The following SOX6 variants were observed in gnomAD, a reference collection of about 807,000 sequenced individuals.
The protein encoded by SOX6 is transcription factor SOX-6.
Under a neutral mutation model 97.8 loss-of-function variants are expected in SOX6, and 11 were observed. The observed-to-expected ratio is 0.11, with a 90% CI of 0.07 to 0.19. The LOEUF (loss-of-function observed/expected upper bound fraction) is 0.19. SOX6 is among the 10% of genes least tolerant of loss of function. The probability of loss-of-function intolerance (pLI) is 1.00; values close to 1 mark genes in which losing one functional copy is unlikely to be tolerated. For missense variants in SOX6, 810 were observed against 1,039.5 expected, an observed-to-expected ratio of 0.78 and a Z score of 3.04; for synonymous variants, 360 against 371.4, an observed-to-expected ratio of 0.97 and a Z score of 0.35.
At chr11:16,625,130 A>C (rs1848605351) in intron 3 of SOX6, among the ~76,000 whole-genome samples, 1 of 152,106 alleles carries the variant, frequency 6.6e-6, no homozygotes, top group South Asian at 2.1e-4. Context: ...AATTTTGATA[A>C]AGTCCACATT....
At chr11:16,143,614 G>A (rs1160305418) in intron 6 of SOX6, among the ~76,000 whole-genome samples, 3 of 152,250 alleles carry the variant, frequency 2.0e-5, no homozygotes, top group East Asian at 1.9e-4. Flanking sequence ...CCCATTTCAC[G>A]TGCAGAGACA....
At chr11:16,316,847 C>G (rs919862905) in intron 3 of SOX6, 2 of 151,978 alleles carry the variant, frequency 1.3e-5, no homozygotes, top group Non-Finnish European at 2.9e-5. Context: ...ACAACAAAGC[C>G]TCAGAAGCCA....
At chr11:16,542,422 C>A (rs1282439685) in intron 4 of SOX6, among the ~76,000 whole-genome samples, 1 of 151,992 alleles carries the variant, frequency 6.6e-6, no homozygotes, top group Non-Finnish European at 1.5e-5. Flanking sequence ...ATGTAACAAA[C>A]CTGCACGTTA....
chr11:16,685,901 C>G (rs1311057066), intron 3 of SOX6, among the ~76,000 whole-genome samples: 1 of 152,268 alleles, frequency 6.6e-6, no homozygotes, highest in Admixed American at 6.5e-5. Context: ...TTCGCTCTTG[C>G]ACTCTGCGTG....
intron 4 of SOX6, among the ~76,000 whole-genome samples, chr11:16,502,304 C>A (rs1350490308): frequency 6.6e-6 from 1 of 151,848 alleles, no homozygotes; most frequent in African/African-American, 2.4e-5. Context: ...ACACACTGGG[C>A]CTGTTGTGGG....
chr11:16,099,750 A>G lies in SOX6; in HGVS notation c.899-2062T>C, dbSNP rs192774543. ...CAGCTTTTGGCTTGCCAGTTAATTTATTACTATCTCTACCACACCCTATAG... is the reference window on the plus strand; with the variant it reads ...CAGCTTTTGGCTTGCCAGTTAATTTGTTACTATCTCTACCACACCCTATAG... On this transcript the variant is annotated intron_variant, in intron 7 of 15. Coordinates refer to ENST00000683767, the MANE Select transcript of SOX6 (RefSeq NM_001367873.1). Among the ~76,000 whole-genome samples the G allele has an allele frequency of 2.0e-4, 26 of 132,072 alleles. No individual in the cohort carries two copies. In the East Asian group the frequency reaches 4.9e-3, roughly 25 times the overall value. 86.6% of individuals were successfully genotyped at this position (132,072 alleles called of 152,430 possible). A position where few individuals can be genotyped will look rare whatever the true frequency, so the allele number is the denominator to read the frequency against.
At chr11:16,060,745 C>CAA (rs1847927785) in intron 9 of SOX6, among the ~76,000 whole-genome samples, 1 of 151,884 alleles carries the variant, frequency 6.6e-6, no homozygotes, top group African/African-American at 2.4e-5. Context: ...GAGGAGAATT[C>CAA]AAAGCACATA....
At chr11:16,594,881 C>T (rs1489325621) in intron 4 of SOX6, among the ~76,000 whole-genome samples, 4 of 151,724 alleles carry the variant, frequency 2.6e-5, no homozygotes, top group Non-Finnish European at 5.9e-5. Flanking sequence ...TTAGTAGAGA[C>T]GGGGTTTCAC....
intron 1 of SOX6, among the ~76,000 whole-genome samples, chr11:16,425,424 C>T (rs145662621): frequency 6.6e-4 from 101 of 152,296 alleles, no homozygotes; most frequent in African/African-American, 2.3e-3. Context: ...GATGCCTTCT[C>T]TTACCACTCC....
chr11:16,511,582 T>C (rs895880070), intron 4 of SOX6, among the ~76,000 whole-genome samples: 4 of 152,168 alleles, frequency 2.6e-5, no homozygotes, highest in Admixed American at 6.6e-5. Flanking sequence ...AGTAGAATGC[T>C]GGCAAAGCAG....
intron 4 of SOX6, among the ~76,000 whole-genome samples, chr11:16,560,300 C>T (rs1004812592): frequency 2.0e-5 from 3 of 152,114 alleles, no homozygotes; most frequent in African/African-American, 7.2e-5. Flanking sequence ...CTAACTCTTA[C>T]TCTAAGACTA....
chr11:15,975,662 G>A (rs1261081066), intron 15 of SOX6, among the ~76,000 whole-genome samples: 1 of 152,136 alleles, frequency 6.6e-6, no homozygotes, highest in Non-Finnish European at 1.5e-5. Context: ...TGAGAGGTAG[G>A]TATCATTTTC....
At chr11:16,427,575 A>C (rs1047452550) in intron 1 of SOX6, among the ~76,000 whole-genome samples, 6 of 151,064 alleles carry the variant, frequency 4.0e-5, no homozygotes, top group African/African-American at 1.2e-4. Flanking sequence ...TGAGAACATG[A>C]GGTGTTTGGT....
At position 16,551,847 on chromosome 11, in the gene SOX6, T is replaced by C. The variant is rs185908200; in HGVS notation, n.609+60234A>G. 7.0e-3 allele frequency among the ~76,000 whole-genome samples: 1,058 copies of C among 152,106 alleles called. 9 individuals carry two copies. The highest frequency in any genetic ancestry group is 0.024 in the African/African-American group (1,010 of 41,508). ...CTTGAACTCCTGACCTCAGGTGATCTGCCCACCTCAGCCTCCCAAAGTGCT... is the reference window on the plus strand; with the variant it reads ...CTTGAACTCCTGACCTCAGGTGATCCGCCCACCTCAGCCTCCCAAAGTGCT... On this transcript the variant is annotated intron_variant and non_coding_transcript_variant, in intron 4 of 5. Transcript: ENST00000524520.
chr11:16,471,787 T>C (rs1860146771), intron 1 of SOX6, among the ~76,000 whole-genome samples: 1 of 152,176 alleles, frequency 6.6e-6, no homozygotes, highest in African/African-American at 2.4e-5. Flanking sequence ...GGTTCTGCAG[T>C]CAGGAGACAG....
intron 4 of SOX6, among the ~76,000 whole-genome samples, chr11:16,583,636 T>TATATATATATATATATATAC (rs1385821722): frequency 1.1e-5 from 1 of 87,100 alleles, no homozygotes; most frequent in Non-Finnish European, 2.4e-5. Flanking sequence ...TATATATATA[T>TATATATATATATATATATAC]ACACATACAC....
chr11:16,608,506 T>C (rs1025088796), intron 4 of SOX6, among the ~76,000 whole-genome samples: 2 of 147,652 alleles, frequency 1.4e-5, no homozygotes, highest in African/African-American at 2.5e-5. Flanking sequence ...AAGAAAGAGA[T>C]GAAGGAAGCA....
chr11:16,293,602 A>G (rs890555912), intron 3 of SOX6, among the ~76,000 whole-genome samples: 2 of 152,084 alleles, frequency 1.3e-5, no homozygotes, highest in Non-Finnish European at 2.9e-5. Flanking sequence ...CTCTCACTAC[A>G]TTCTTTTGGC....
chr11:16,514,046 C>T (rs1860922703), intron 4 of SOX6, among the ~76,000 whole-genome samples: 1 of 151,748 alleles, frequency 6.6e-6, no homozygotes, highest in African/African-American at 2.4e-5. Flanking sequence ...ACCTCCGTCT[C>T]TACAAAAAAA....
Sources: gnomAD v4.1 joint callset for allele counts (sites outside exome capture counted in the v4.1 genomes callset) on GRCh38, gnomAD v4.1.1 for gene constraint, MANE v1.5 for transcripts, NCBI Gene and HGNC (gene_info 2026-07-23, HGNC 2026-07-21) for gene names.